MGRN1: variants seen among roughly 807,000 people sequenced by gnomAD.
MGRN1 encodes E3 ubiquitin-protein ligase MGRN1.
A neutral mutation model predicts 69.2 loss-of-function variants in MGRN1; 29 were observed. The observed-to-expected ratio is 0.42, with a 90% CI of 0.31 to 0.57. MGRN1 has a LOEUF of 0.57. Ranked by LOEUF, MGRN1 falls within the 20% of genes least tolerant of loss-of-function variation. MGRN1 has a pLI of 0.15. For synonymous variants in MGRN1, 470 were observed against 344.2 expected, an observed-to-expected ratio of 1.37 and a Z score of -4.04; for missense variants, 998 against 796.2, an observed-to-expected ratio of 1.25 and a Z score of -3.05.
chr16:4,683,453 C>G (rs2079235836), intron 15 of MGRN1, among the ~76,000 whole-genome samples, 184 bp downstream of exon 15: 1 of 152,134 alleles, frequency 6.6e-6, no homozygotes, highest in African/African-American at 2.4e-5. Flanking sequence ...GTGACTGGGT[C>G]AGGCTGCGCT....
chr16:4,659,012 T>G (rs2078616319), intron 5 of MGRN1: 1 of 152,012 alleles, frequency 6.6e-6, no homozygotes, highest in Non-Finnish European at 1.5e-5. Context: ...TAAGACTACC[T>G]GGGAGTGGGG....
At chr16:4,629,505 C>A (rs1053097225) in intron 1 of MGRN1, among the ~76,000 whole-genome samples, 3 of 152,094 alleles carry the variant, frequency 2.0e-5, no homozygotes, top group African/African-American at 7.2e-5. Context: ...CTTTGGGAGG[C>A]CAAGGTGGGC....
chr16:4,680,103 T>C lies in MGRN1; in HGVS notation c.1131+6T>C. On this transcript the variant is annotated splice_donor_region_variant and intron_variant, in intron 12 of 16. Transcript: ENST00000262370. ...AGAAACCTAAAAGGGAAACAGTAAGTGTCTGGTCCTCCGGCTACGTTTTTT... is the reference window on the plus strand; with the variant it reads ...AGAAACCTAAAAGGGAAACAGTAAGCGTCTGGTCCTCCGGCTACGTTTTTT... The C allele has an allele frequency of 9.9e-6, 16 of 1,613,400 alleles. No individual in the cohort carries two copies. Among genetic ancestry groups the C allele is most frequent in the Non-Finnish European group, 1.4e-5 (16 of 1,179,454 alleles).
At chr16:4,639,575 G>C (rs569749208) in intron 1 of MGRN1, among the ~76,000 whole-genome samples, 1 of 152,304 alleles carries the variant, frequency 6.6e-6, no homozygotes, top group South Asian at 2.1e-4. Flanking sequence ...CCTATGACTT[G>C]GGCATCCTGT....
rs549665666 is a variant in MGRN1, at chr16:4,657,361, G to A, written c.559G>A (p.Glu187Lys). The part of the protein sequence containing the change: ...KIDFSEWKDD[E>K]LNFDLDRGVF... Reference sequence around the variant, plus strand: ...TGACTTCTCGGAATGGAAGGATGACGAGGTAATGCTGGCTGGGCGGCTCCT... The same window carrying A: ...TGACTTCTCGGAATGGAAGGATGACAAGGTAATGCTGGCTGGGCGGCTCCT... Residue 187 changes from glutamate to lysine, a missense_variant and splice_region_variant, in exon 5 of 17, where the codon GAG becomes AAG. Physicochemically the swap from Glu to Lys is moderately conservative, Grantham distance 56. Transcript: ENST00000262370. 2.0e-5 allele frequency: 32 copies of A among 1,613,594 alleles called. No individual in the cohort carries two copies. The highest frequency in any genetic ancestry group is 1.8e-4 in the East Asian group (8 of 44,880).
Position 4,664,589 on chromosome 16 carries a change from T to C in MGRN1, c.562-120T>C, listed in dbSNP as rs986895117. On this transcript the variant is annotated intron_variant, in intron 5 of 16. Transcript: ENST00000262370. ...TTCCCTGCCATCTCGAGGCGTGTCC[T>C]CTGAGCTCTGCTGCTGCCTCCTGCT... The C allele has an allele frequency of 1.5e-4, 154 of 1,032,852 alleles. No individual in the cohort carries two copies. The African/African-American group carries it at 2.3e-3, about 15-fold the overall frequency. The allele number at this position is 1,032,852 out of a possible 1,614,324, so 64.0% of individuals were successfully genotyped here.
At position 4,665,121 on chromosome 16, in the gene MGRN1, C is replaced by T. The variant is rs746652031; in HGVS notation, c.648C>T (p.His216=). 56 of 1,614,130 alleles carry T rather than the reference C, an allele frequency of 3.5e-5. No homozygotes were observed. Among genetic ancestry groups the T allele is most frequent in the East Asian group, 3.3e-4 (15 of 44,898 alleles). ...CAGCAGTGGTGGAAGTGACTGGCCA[C>T]GCCCACGTGCTCTTGGCTGCCTTTG... ...DEGDVVEVTG[H]AHVLLAAFEK... The change falls in exon 7 of 17, where the codon CAC becomes CAT. Residue 216 remains histidine, a synonymous_variant. Coordinates refer to ENST00000262370, the MANE Select transcript of MGRN1 (RefSeq NM_015246.4).
chr16:4,661,182 T>C (rs989175687), intron 5 of MGRN1, among the ~76,000 whole-genome samples: 2 of 151,938 alleles, frequency 1.3e-5, no homozygotes, highest in African/African-American at 4.8e-5. Flanking sequence ...TTTCTCTATG[T>C]TGCGTAGGCT....
At position 4,686,250 on chromosome 16, in the gene MGRN1, T is replaced by A. The variant is rs112675555; in HGVS notation, c.1618+2318T>A. 4.9e-3 allele frequency: 7,552 copies of A among 1,542,486 alleles called. 33 individuals carry two copies. Among genetic ancestry groups the A allele is most frequent in the Non-Finnish European group, 5.3e-3 (6,042 of 1,146,678 alleles). On this transcript the variant is annotated intron_variant, in intron 16 of 16. Coordinates refer to ENST00000262370, the MANE Select transcript of MGRN1 (RefSeq NM_015246.4). ...GAGCTTCCGTCTGTCTCTCCCCCTC[T>A]CCGCGCAGCCCTGGGGCCCGACTCC...
intron 10 of MGRN1, among the ~76,000 whole-genome samples, chr16:4,676,522 G>A (rs1311742656): frequency 2.6e-5 from 4 of 152,214 alleles, no homozygotes; most frequent in African/African-American, 9.6e-5. Flanking sequence ...TGAGCCTCAA[G>A]GACGTGGCGG....
intron 9 of MGRN1, 48 bp from the exon 10 acceptor site, chr16:4,673,450 A>G (rs2289314): frequency 0.51 from 818,616 of 1,593,940 alleles, 212,398 homozygotes; most frequent in East Asian, 0.66. Context: ...CAGGAGCCGT[A>G]CTCTGGCCTT....
intron 15 of MGRN1, among the ~76,000 whole-genome samples, 158 bp from the exon 16 acceptor site, chr16:4,683,685 A>G (rs1207197846): frequency 6.6e-6 from 1 of 151,978 alleles, no homozygotes; most frequent in Non-Finnish European, 1.5e-5. Flanking sequence ...GTCCCTGGAG[A>G]GCAGGTGGGG....
At chr16:4,663,287 C>T (rs1354023503) in intron 5 of MGRN1, among the ~76,000 whole-genome samples, 3 of 151,134 alleles carry the variant, frequency 2.0e-5, no homozygotes, top group African/African-American at 7.3e-5. Context: ...TGGTCTCAAA[C>T]TGCTGACCTC....
chr16:4,684,658 T>G (rs1338494376), intron 16 of MGRN1, among the ~76,000 whole-genome samples: 3 of 152,232 alleles, frequency 2.0e-5, no homozygotes. Context: ...CCAAGCACCT[T>G]CGTGCTCTGC....
chr16:4,650,158 C>T (rs551009200), intron 1 of MGRN1: 61 of 467,588 alleles, frequency 1.3e-4, no homozygotes, highest in Non-Finnish European at 1.3e-4. Flanking sequence ...CAAAAATCAG[C>T]TGGGCGTGGT....
chr16:4,670,048 ATTTAAT>A lies in MGRN1; in HGVS notation c.727-1326_727-1321del, dbSNP rs890605364. On this transcript the variant is annotated intron_variant, in intron 8 of 16. Coordinates refer to ENST00000262370, the MANE Select transcript of MGRN1 (RefSeq NM_015246.4). The stretch of plus-strand genomic sequence containing the variant: ...TAGTTTTTAATTTTTTAAATATTTA[ATTTAAT>A]TTTAATTTTAATTTTATTTTATTGA... 5.6e-4 allele frequency among the ~76,000 whole-genome samples: 85 copies of A among 152,090 alleles called. 1 individual carries two copies. Among genetic ancestry groups the A allele is most frequent in the African/African-American group, 2.0e-3 (83 of 41,484 alleles).
At position 4,682,909 on chromosome 16, in the gene MGRN1, G is replaced by T; in HGVS notation, c.1445G>T (p.Gly482Val). ...GTGGACGCCCCTCCCCCACTGGGTG[G>T]CGCAGAGCTGGCCCTGCGGGAAAGC... is the stretch of plus-strand genomic sequence containing the variant. ...EDVDAPPPLGGAELALRESSS... is the reference protein window; with the variant it reads ...EDVDAPPPLGVAELALRESSS... The change falls in exon 14 of 17, where the codon GGC becomes GTC. Residue 482 changes from glycine (G) to valine (V), a missense_variant. Physicochemically the swap from Gly to Val is moderately radical, Grantham distance 109. Transcript: ENST00000262370. 1 of 1,606,516 alleles carries T rather than the reference G, an allele frequency of 6.2e-7. No homozygotes were observed. Among genetic ancestry groups the T allele is most frequent in the Non-Finnish European group, 8.5e-7 (1 of 1,175,096 alleles).
At chr16:4,682,199 G>C (rs754132888) in intron 13 of MGRN1, among the ~76,000 whole-genome samples, 1 of 152,250 alleles carries the variant, frequency 6.6e-6, no homozygotes. Context: ...CAGTGACCCA[G>C]GCACACTCAC....
chr16:4,632,142 G>A (rs1472443448), intron 1 of MGRN1, among the ~76,000 whole-genome samples: 1 of 147,690 alleles, frequency 6.8e-6, no homozygotes, highest in African/African-American at 2.5e-5. Context: ...TCAGCCTCCT[G>A]TGTTGCTGGG....
Sources: gnomAD v4.1 joint callset for allele counts (sites outside exome capture counted in the v4.1 genomes callset) on GRCh38, gnomAD v4.1.1 for gene constraint, MANE v1.5 for transcripts, NCBI Gene and HGNC (gene_info 2026-07-23, HGNC 2026-07-21) for gene names.